The following MYO6 variants were observed in gnomAD, a reference collection of about 807,000 sequenced individuals.
MYO6 encodes the protein unconventional myosin-VI.
In MYO6, 74 loss-of-function variants were observed where a neutral mutation model predicts 178.7. The ratio of observed to expected loss-of-function variants is 0.41; its 90% CI spans 0.34 to 0.50. MYO6 has a LOEUF of 0.50. MYO6 is among the 20% of genes least tolerant of loss of function. The probability of loss-of-function intolerance (pLI) is 0.09; values close to 1 mark genes in which losing one functional copy is unlikely to be tolerated. For missense variants in MYO6, 1,330 were observed against 1,547.4 expected (o/e 0.86, Z 2.36); for synonymous variants, 477 against 504.6 (o/e 0.95, Z 0.73).
chr6:75,889,158 A>G (rs1778700260), intron 25 of MYO6, among the ~76,000 whole-genome samples: 1 of 152,196 alleles, frequency 6.6e-6, no homozygotes, highest in Admixed American at 6.5e-5. Context: ...AGAAAGGAAA[A>G]AAAAGATCTG....
At chr6:75,818,332 A>G (rs1199575408) in intron 2 of MYO6, among the ~76,000 whole-genome samples, 1 of 152,180 alleles carries the variant, frequency 6.6e-6, no homozygotes, top group African/African-American at 2.4e-5. Context: ...GGAGACTGAT[A>G]CAGTCTGTTT....
intron 30 of MYO6, among the ~76,000 whole-genome samples, chr6:75,899,345 C>T (rs191596684): frequency 4.7e-5 from 7 of 149,426 alleles, no homozygotes; most frequent in Admixed American, 3.3e-4. Flanking sequence ...TTTACCTCTT[C>T]TTTCAAAAGA....
At chr6:75,779,056 CAAAAAAAAA>C (rs142469441) in intron 1 of MYO6, among the ~76,000 whole-genome samples, 1 of 64,560 alleles carries the variant, frequency 1.5e-5, no homozygotes, top group East Asian at 4.9e-4. Flanking sequence ...GACTTTGTCT[CAAAAAAAAA>C]AAAAAAAAAA....
At chr6:75,872,759 GA>G (rs1286224571) in intron 19 of MYO6, among the ~76,000 whole-genome samples, 3 of 150,828 alleles carry the variant, frequency 2.0e-5, no homozygotes. Context: ...CTTTAAAGCA[GA>G]AAAAGTATGC....
chr6:75,836,561 G>C (rs1773663705), intron 7 of MYO6, among the ~76,000 whole-genome samples: 1 of 151,576 alleles, frequency 6.6e-6, no homozygotes, highest in African/African-American at 2.4e-5. Flanking sequence ...ATAGAATTTG[G>C]AATAATTTCT....
At chr6:75,899,869 A>T (rs1009148873) in intron 30 of MYO6, among the ~76,000 whole-genome samples, 24 of 136,614 alleles carry the variant, frequency 1.8e-4, no homozygotes, top group South Asian at 5.5e-4. Flanking sequence ...ATATCTCCCA[A>T]TGCTATCCCT....
chr6:75,781,915 C>A (rs1767020779), intron 1 of MYO6, among the ~76,000 whole-genome samples: 1 of 71,078 alleles, frequency 1.4e-5, no homozygotes, highest in Non-Finnish European at 2.2e-5. Flanking sequence ...AAGACTCCAT[C>A]TCAAAAAAAA....
intron 28 of MYO6, among the ~76,000 whole-genome samples, 188 bp from the exon 29 acceptor site, chr6:75,895,043 C>G (rs1254830862): frequency 1.3e-5 from 2 of 152,016 alleles, no homozygotes; most frequent in Non-Finnish European, 2.9e-5. Flanking sequence ...CACTGCATGC[C>G]TTATTTTCCA....
intron 25 of MYO6, among the ~76,000 whole-genome samples, chr6:75,889,131 A>G (rs889446262): frequency 6.6e-6 from 1 of 152,182 alleles, no homozygotes; most frequent in Non-Finnish European, 1.5e-5. Context: ...TATGTAAACA[A>G]TGGCAATCTT....
intron 1 of MYO6, among the ~76,000 whole-genome samples, chr6:75,787,274 A>G (rs1562156976): frequency 6.6e-6 from 1 of 152,232 alleles, no homozygotes; most frequent in Admixed American, 6.5e-5. Flanking sequence ...CAATGTCTAC[A>G]CAAAGACTCA....
At chr6:75,841,800 T>C (rs936979482) in intron 9 of MYO6, among the ~76,000 whole-genome samples, 2 of 152,210 alleles carry the variant, frequency 1.3e-5, no homozygotes, top group African/African-American at 4.8e-5. Flanking sequence ...GTAACTTACA[T>C]TGGATCAAGT....
chr6:75,866,069 A>G (rs1776641183), intron 16 of MYO6, among the ~76,000 whole-genome samples: 1 of 147,620 alleles, frequency 6.8e-6, no homozygotes, highest in Non-Finnish European at 1.5e-5. Context: ...ATCTGACGTG[A>G]TAAAGATAGA....
intron 31 of MYO6, 120 bp downstream of exon 31, chr6:75,907,828 G>A: frequency 1.4e-6 from 1 of 739,006 alleles, no homozygotes; most frequent in South Asian, 1.5e-5. Flanking sequence ...ATGTGTGTAT[G>A]TACATATAAT....
chr6:75,902,077 A>G (rs919415531), intron 30 of MYO6, among the ~76,000 whole-genome samples: 4 of 152,182 alleles, frequency 2.6e-5, no homozygotes, highest in African/African-American at 4.8e-5. Context: ...GATGAAGCCC[A>G]CTTGATCATG....
chr6:75,822,780 A>T lies in MYO6; in HGVS notation c.118-2A>T. The T allele has an allele frequency of 6.2e-7, 1 of 1,612,888 alleles. No homozygotes were observed. Among genetic ancestry groups the T allele is most frequent in the Non-Finnish European group, 8.5e-7 (1 of 1,179,078 alleles). ...TTAATGAGCATTTGTTTTGCTTGTT[A>T]GACATTTTTGGCTCTCATAAACCAA... On this transcript the variant is annotated splice_acceptor_variant, in intron 2 of 34. Transcript: ENST00000369977. LOFTEE classifies it high-confidence loss of function.
intron 2 of MYO6, 76 bp downstream of exon 2, chr6:75,817,740 T>C (rs1360522133): frequency 8.1e-7 from 1 of 1,229,912 alleles, no homozygotes; most frequent in Non-Finnish European, 1.2e-6. Context: ...GTAAGGTCTG[T>C]CTTCTTAATG....
chr6:75,871,821 A>G (rs1053418260), intron 19 of MYO6, among the ~76,000 whole-genome samples: 1 of 152,100 alleles, frequency 6.6e-6, no homozygotes, highest in African/African-American at 2.4e-5. Flanking sequence ...CATTTCTAAA[A>G]CGTGTTCTAG....
At chr6:75,785,333 T>G (rs1034620884) in intron 1 of MYO6, among the ~76,000 whole-genome samples, 1 of 152,190 alleles carries the variant, frequency 6.6e-6, no homozygotes, top group African/African-American at 2.4e-5. Flanking sequence ...TGAAATGTAT[T>G]CTTTTGGAGG....
At chr6:75,900,739 T>G (rs545922157) in intron 30 of MYO6, among the ~76,000 whole-genome samples, 5 of 152,090 alleles carry the variant, frequency 3.3e-5, no homozygotes, top group Non-Finnish European at 5.9e-5. Flanking sequence ...TTAGTTTAAT[T>G]AGATCCCATT....
Sources: allele counts gnomAD v4.1 joint callset (sites outside exome capture counted in the v4.1 genomes callset), GRCh38; gene constraint gnomAD v4.1.1; transcripts MANE v1.5; gene names NCBI Gene and HGNC (gene_info 2026-07-23, HGNC 2026-07-21).